Variants in MAN1C1 observed in about 807,000 individuals in gnomAD.
MAN1C1 encodes mannosyl-oligosaccharide 1,2-alpha-mannosidase IC.
A neutral mutation model predicts 71.5 loss-of-function variants in MAN1C1; 49 were observed. The ratio of observed to expected loss-of-function variants is 0.69; its 90% CI spans 0.54 to 0.87. MAN1C1 has a LOEUF of 0.87. Among genes scored for constraint, MAN1C1 ranks in the 40% least tolerant of loss-of-function variants. The pLI is 0.00. For missense variants in MAN1C1, 743 were observed against 835.0 expected, an observed-to-expected ratio of 0.89 and a Z score of 1.36; for synonymous variants, 352 against 343.7, an observed-to-expected ratio of 1.02 and a Z score of -0.27.
chr1:25,746,665 C>T lies in MAN1C1; in HGVS notation c.638-3C>T. The T allele has an allele frequency of 6.2e-7, 1 of 1,606,898 alleles. No individual in the cohort carries two copies. Among genetic ancestry groups the T allele is most frequent in the African/African-American group, 1.3e-5 (1 of 74,860 alleles). ...TCACACCCTCAATGCTCTGTGCCTG[C>T]AGGAGGCCTCAGCGGGGCAACAGTC... On this transcript the variant is annotated splice_polypyrimidine_tract_variant and splice_region_variant and intron_variant, in intron 2 of 11. Transcript: ENST00000374332. The surrounding 1 kb of genome is among the most constrained non-coding windows in gnomAD (Gnocchi z 4.0).
intron 1 of MAN1C1, among the ~76,000 whole-genome samples, chr1:25,655,703 C>T (rs930527520): frequency 2.0e-5 from 3 of 152,098 alleles, no homozygotes; most frequent in Admixed American, 6.5e-5. Context: ...TACTGACTTG[C>T]AAGTCTATTG....
chr1:25,768,968 A>C (rs1572208818), intron 7 of MAN1C1, among the ~76,000 whole-genome samples: 1 of 115,826 alleles, frequency 8.6e-6, no homozygotes, highest in African/African-American at 3.4e-5. Flanking sequence ...ACACACCCCC[A>C]CACTACACAC....
chr1:25,755,743 C>G (rs151081154), intron 5 of MAN1C1, among the ~76,000 whole-genome samples: 1 of 152,288 alleles, frequency 6.6e-6, no homozygotes, highest in Non-Finnish European at 1.5e-5. Context: ...GATGATTACA[C>G]CATACTCATG....
rs753242002 is a variant in MAN1C1 at position 25,782,490 on chromosome 1, C to A, written c.1651-95C>A. ...AAGGGGTGGGGGTGCTGTCTGCTTTCTTCTAGCTCCAGCCTGCCAGGCATG... is the reference window on the plus strand; with the variant it reads ...AAGGGGTGGGGGTGCTGTCTGCTTTATTCTAGCTCCAGCCTGCCAGGCATG... On this transcript the variant is annotated intron_variant, in intron 10 of 11. Transcript: ENST00000374332. The surrounding 1 kb of genome is among the most constrained non-coding windows in gnomAD (Gnocchi z 4.4). 11 of 786,046 alleles carry A rather than the reference C, an allele frequency of 1.4e-5. No individual in the cohort carries two copies. The highest frequency in any genetic ancestry group is 2.6e-5 in the East Asian group (1 of 39,014). 48.7% of individuals were successfully genotyped at this position (786,046 alleles called of 1,614,324 possible).
intron 2 of MAN1C1, among the ~76,000 whole-genome samples, chr1:25,689,314 G>A (rs2786866): frequency 0.22 from 33,340 of 152,000 alleles, 6,239 homozygotes; most frequent in African/African-American, 0.51. Context: ...TGGAACTTCC[G>A]GCAGACCTGA....
intron 2 of MAN1C1, among the ~76,000 whole-genome samples, chr1:25,714,792 A>G (rs1019083235): frequency 8.5e-5 from 13 of 152,204 alleles, no homozygotes; most frequent in African/African-American, 2.9e-4. Context: ...AAGGAAGTGG[A>G]GTTAATGCCA....
chr1:25,737,676 A>G (rs1284749043), intron 2 of MAN1C1, among the ~76,000 whole-genome samples: 3 of 152,166 alleles, frequency 2.0e-5, no homozygotes. Flanking sequence ...TCGTGTACAC[A>G]GTGCTGGGAC....
intron 7 of MAN1C1, among the ~76,000 whole-genome samples, chr1:25,770,647 T>C (rs1023653536): frequency 1.3e-5 from 2 of 152,190 alleles, no homozygotes; most frequent in African/African-American, 4.8e-5. Context: ...AAATAATACA[T>C]TGAGGCTCCT....
At chr1:25,680,877 C>T (rs1433209047) in intron 1 of MAN1C1, among the ~76,000 whole-genome samples, 3 of 152,104 alleles carry the variant, frequency 2.0e-5, no homozygotes, top group African/African-American at 7.2e-5. Context: ...TAGGAAGACT[C>T]ATAGGACTCA....
chr1:25,652,840 C>T (rs946462660), intron 1 of MAN1C1, among the ~76,000 whole-genome samples: 1 of 152,212 alleles, frequency 6.6e-6, no homozygotes, highest in Admixed American at 6.5e-5. Context: ...ACTGTAGCCT[C>T]AACCTCCCAG....
At chr1:25,758,771 G>A (rs1418210442) in intron 6 of MAN1C1, 62 bp downstream of exon 6, 3 of 1,420,980 alleles carry the variant, frequency 2.1e-6, no homozygotes. Flanking sequence ...GCTGCCACAG[G>A]GTTTTCAGAG....
intron 2 of MAN1C1, among the ~76,000 whole-genome samples, chr1:25,718,300 G>A (rs1466536406): frequency 1.3e-5 from 2 of 152,148 alleles, no homozygotes; most frequent in African/African-American, 2.4e-5. Flanking sequence ...TAGGTGGTAC[G>A]TCAGCTTCAT....
chr1:25,638,180 G>A (rs539870388), intron 1 of MAN1C1, among the ~76,000 whole-genome samples: 5 of 151,522 alleles, frequency 3.3e-5, no homozygotes, highest in East Asian at 1.9e-4. Flanking sequence ...TCCGTTATAC[G>A]CATACACACA....
At chr1:25,679,974 T>TACAC (rs1387518952) in intron 1 of MAN1C1, among the ~76,000 whole-genome samples, 1 of 132,242 alleles carries the variant, frequency 7.6e-6, no homozygotes, top group African/African-American at 3.1e-5. Flanking sequence ...TATATATATA[T>TACAC]ATATACACAC....
At chr1:25,683,242 C>T (rs2124168932) in intron 1 of MAN1C1, among the ~76,000 whole-genome samples, 1 of 152,276 alleles carries the variant, frequency 6.6e-6, no homozygotes, top group Non-Finnish European at 1.5e-5. Context: ...ACCTGTCCAT[C>T]AGAACTCTTG....
At chr1:25,734,768 A>T (rs570180373) in intron 2 of MAN1C1, among the ~76,000 whole-genome samples, 1 of 152,340 alleles carries the variant, frequency 6.6e-6, no homozygotes, top group South Asian at 2.1e-4. Context: ...GTGTAGGCTT[A>T]AATCAACCAG....
At position 25,753,481 on chromosome 1, in the gene MAN1C1, C is replaced by T. The variant is rs756619518; in HGVS notation, c.835-3C>T. The T allele has an allele frequency of 6.2e-7, 1 of 1,611,920 alleles. No homozygotes were observed. The highest frequency in any genetic ancestry group is 8.5e-7 in the Non-Finnish European group (1 of 1,178,424). On this transcript the variant is annotated splice_region_variant and splice_polypyrimidine_tract_variant and intron_variant, in intron 4 of 11. Transcript: ENST00000374332. The surrounding 1 kb of genome is among the most constrained non-coding windows in gnomAD (Gnocchi z 4.9). ...AAAAGCCCTTTGATCCCCTCCTTTA[C>T]AGGTGTTCCGAATAAAGGCCATCAG...
At chr1:25,737,402 C>T (rs892136943) in intron 2 of MAN1C1, among the ~76,000 whole-genome samples, 3 of 152,102 alleles carry the variant, frequency 2.0e-5, no homozygotes, top group Admixed American at 6.5e-5. Flanking sequence ...CCCATTTCGC[C>T]CCCCCGACAG....
intron 2 of MAN1C1, among the ~76,000 whole-genome samples, chr1:25,709,315 G>A (rs553641004): frequency 6.6e-6 from 1 of 152,236 alleles, no homozygotes; most frequent in African/African-American, 2.4e-5. Context: ...AGTCCAGCAG[G>A]GCCACCTACT....
Sources: allele counts gnomAD v4.1 joint callset (sites outside exome capture counted in the v4.1 genomes callset), GRCh38; gene constraint gnomAD v4.1.1; non-coding constraint Gnocchi (gnomAD v3.1); transcripts MANE v1.5; gene names NCBI Gene and HGNC (gene_info 2026-07-23, HGNC 2026-07-21).